CNTN1: variants seen among roughly 807,000 people sequenced by gnomAD.
CNTN1 encodes contactin-1.
A neutral mutation model predicts 126.4 loss-of-function variants in CNTN1; 38 were observed. The observed-to-expected ratio is 0.30, with a 90% CI of 0.23 to 0.39. The LOEUF is 0.39. Ranked by LOEUF, CNTN1 falls within the 10% of genes least tolerant of loss-of-function variation. The pLI, the probability that CNTN1 is intolerant of heterozygous loss-of-function variation, is 1.00. For synonymous variants in CNTN1, 413 were observed against 422.6 expected (o/e 0.98, Z 0.28); for missense variants, 1,009 against 1,248.4 (o/e 0.81, Z 2.89).
At chr12:40,990,935 C>G (rs1310400789) in intron 16 of CNTN1, among the ~76,000 whole-genome samples, 1 of 152,170 alleles carries the variant, frequency 6.6e-6, no homozygotes, top group East Asian at 1.9e-4. Context: ...CCTCCTAAAA[C>G]ACTTTTGTAC....
At chr12:40,727,126 G>C (rs151310585) in intron 1 of CNTN1, among the ~76,000 whole-genome samples, 1 of 150,138 alleles carries the variant, frequency 6.7e-6, no homozygotes, top group East Asian at 1.9e-4. Flanking sequence ...TTTAAAATGC[G>C]TGATACACTA....
chr12:41,004,243 G>T (rs1374534141), intron 17 of CNTN1, among the ~76,000 whole-genome samples: 1 of 152,162 alleles, frequency 6.6e-6, no homozygotes, highest in East Asian at 1.9e-4. Flanking sequence ...TCATGTGATT[G>T]TATGGTGTTG....
At chr12:40,858,851 A>G (rs1398096522) in intron 1 of CNTN1, among the ~76,000 whole-genome samples, 1 of 152,150 alleles carries the variant, frequency 6.6e-6, no homozygotes, top group South Asian at 2.1e-4. Flanking sequence ...GCTGTAAGCC[A>G]TTGTTTTCAG....
At chr12:40,736,402 C>T (rs1288963085) in intron 1 of CNTN1, among the ~76,000 whole-genome samples, 1 of 151,950 alleles carries the variant, frequency 6.6e-6, no homozygotes, top group East Asian at 1.9e-4. Flanking sequence ...TTAAGAAGCT[C>T]TTGCAATATT....
intron 1 of CNTN1, among the ~76,000 whole-genome samples, chr12:40,855,012 A>C (rs1215936481): frequency 6.6e-6 from 1 of 152,128 alleles, no homozygotes; most frequent in Non-Finnish European, 1.5e-5. Flanking sequence ...GATTGTATTA[A>C]GAAGACAAGT....
chr12:40,869,171 TTAAG>T (rs1943405246), intron 1 of CNTN1, among the ~76,000 whole-genome samples: 1 of 151,548 alleles, frequency 6.6e-6, no homozygotes, highest in Non-Finnish European at 1.5e-5. Flanking sequence ...CAATAATAAT[TTAAG>T]TAATATTCTT....
chr12:40,933,623 T>G (rs1051869143), intron 8 of CNTN1, 63 bp downstream of exon 8: 32 of 1,523,740 alleles, frequency 2.1e-5, no homozygotes, highest in Non-Finnish European at 2.8e-5. Context: ...AAATAAATAA[T>G]TGTTTAGCTA....
At position 40,891,446 on chromosome 12, in the gene CNTN1, T is replaced by C. The variant is rs189728346; in HGVS notation, c.-76-16911T>C. On this transcript the variant is annotated intron_variant, in intron 1 of 23. Transcript: ENST00000551295. ...AAAGAAGTTTGGATTCTGCCCCTAT[T>C]GCTATACCAAAGAAGTTATTTCCAT... Among the ~76,000 whole-genome samples the C allele has an allele frequency of 3.1e-3, 478 of 152,248 alleles. 3 individuals are homozygous for C. Among genetic ancestry groups the C allele is most frequent in the African/African-American group, 0.011 (456 of 41,558 alleles).
chr12:40,977,536 T>C (rs946015736), intron 15 of CNTN1, among the ~76,000 whole-genome samples: 3 of 151,880 alleles, frequency 2.0e-5, no homozygotes, highest in East Asian at 1.9e-4. Flanking sequence ...CTGTCCCTGC[T>C]TTCTTTTAAG....
At chr12:40,854,342 A>C (rs1470577491) in intron 1 of CNTN1, among the ~76,000 whole-genome samples, 3 of 152,082 alleles carry the variant, frequency 2.0e-5, no homozygotes, top group Admixed American at 2.0e-4. Context: ...AGTTTGATTT[A>C]TTTTGAATCC....
chr12:40,861,635 C>T (rs531236414), intron 1 of CNTN1, among the ~76,000 whole-genome samples: 13 of 152,144 alleles, frequency 8.5e-5, no homozygotes, highest in Non-Finnish European at 1.8e-4. Flanking sequence ...CTATAATAAT[C>T]CTTAAGAACC....
At chr12:40,778,997 A>C (rs1457941779) in intron 1 of CNTN1, among the ~76,000 whole-genome samples, 3 of 150,070 alleles carry the variant, frequency 2.0e-5, no homozygotes, top group Non-Finnish European at 4.5e-5. Flanking sequence ...ATGACTAAAA[A>C]TTAGGCAGCA....
At chr12:40,794,902 T>A (rs182321279) in intron 1 of CNTN1, among the ~76,000 whole-genome samples, 60 of 152,152 alleles carry the variant, frequency 3.9e-4, no homozygotes, top group Non-Finnish European at 7.9e-4. Context: ...TTGATAGATA[T>A]AAAGGAGTTG....
chr12:41,055,115 TA>T, intron 23 of CNTN1, among the ~76,000 whole-genome samples: 1 of 152,282 alleles, frequency 6.6e-6, no homozygotes, highest in South Asian at 2.1e-4. Context: ...TAGACGATGA[TA>T]AAATATGTTG....
chr12:41,003,631 C>T (rs1948420383), intron 17 of CNTN1, among the ~76,000 whole-genome samples: 1 of 150,734 alleles, frequency 6.6e-6, no homozygotes, highest in Non-Finnish European at 1.5e-5. Context: ...TTTTAGAGCT[C>T]ATTATTGGTC....
chr12:41,027,677 TA>T (rs1949062460), intron 21 of CNTN1, among the ~76,000 whole-genome samples, 179 bp from the exon 22 acceptor site: 1 of 152,098 alleles, frequency 6.6e-6, no homozygotes, highest in African/African-American at 2.4e-5. Flanking sequence ...GGCCATGGGG[TA>T]CATTAAATGG....
intron 17 of CNTN1, among the ~76,000 whole-genome samples, chr12:40,999,860 G>T (rs950300256): frequency 6.6e-6 from 1 of 151,636 alleles, no homozygotes; most frequent in African/African-American, 2.4e-5. Flanking sequence ...TCACCACCAC[G>T]CCCAGCTAGT....
intron 1 of CNTN1, among the ~76,000 whole-genome samples, chr12:40,785,398 G>A (rs115515396): frequency 5.1e-4 from 78 of 152,204 alleles, no homozygotes; most frequent in African/African-American, 1.9e-3. Flanking sequence ...GAGAGAAGGG[G>A]GAGGTACTGT....
At chr12:40,864,567 T>C (rs944947855) in intron 1 of CNTN1, among the ~76,000 whole-genome samples, 1 of 152,172 alleles carries the variant, frequency 6.6e-6, no homozygotes, top group Non-Finnish European at 1.5e-5. Context: ...GGACACTTCA[T>C]GTGAATGAAA....
Sources: gnomAD v4.1 joint callset for allele counts (sites outside exome capture counted in the v4.1 genomes callset) on GRCh38, gnomAD v4.1.1 for gene constraint, MANE v1.5 for transcripts, NCBI Gene and HGNC (gene_info 2026-07-23, HGNC 2026-07-21) for gene names.